Variants in NUDCD1 observed in about 807,000 individuals in gnomAD.
The protein encoded by NUDCD1 is NudC domain containing 1.
In NUDCD1, 60 loss-of-function variants were observed where a neutral mutation model predicts 67.8. The observed-to-expected ratio is 0.88, with a 90% CI of 0.72 to 1.10. The LOEUF (loss-of-function observed/expected upper bound fraction) is 1.10. Ranked by LOEUF, NUDCD1 falls within the 50% of genes least tolerant of loss-of-function variation. The pLI is 0.00. For synonymous variants in NUDCD1, 244 were observed against 230.8 expected (o/e 1.06, Z -0.52); for missense variants, 643 against 695.0 (o/e 0.93, Z 0.84).
chr8:109,290,354 C>G (rs2130018293), intron 4 of NUDCD1, among the ~76,000 whole-genome samples: 1 of 152,204 alleles, frequency 6.6e-6, no homozygotes, highest in South Asian at 2.1e-4. Context: ...CCCAGAACTC[C>G]AACATGACCG....
At chr8:109,275,243 T>C (rs1814254741) in intron 7 of NUDCD1, 109 bp downstream of exon 7, 2 of 951,306 alleles carry the variant, frequency 2.1e-6, no homozygotes, top group South Asian at 3.3e-5. Flanking sequence ...ATCTGATATG[T>C]ATCTTTTATA....
At chr8:109,305,484 C>T (rs60333143) in intron 2 of NUDCD1, among the ~76,000 whole-genome samples, 6,845 of 152,204 alleles carry the variant, frequency 0.045, 516 homozygotes, top group African/African-American at 0.15. Context: ...TAAAGACACA[C>T]CTCACCAAGC....
intron 3 of NUDCD1, among the ~76,000 whole-genome samples, chr8:109,293,909 G>A (rs930751667): frequency 6.6e-6 from 1 of 151,898 alleles, no homozygotes; most frequent in African/African-American, 2.4e-5. Context: ...ACCAAAACAT[G>A]TTTTTTCTCA....
chr8:109,320,671 G>A (rs1169522138), intron 2 of NUDCD1, among the ~76,000 whole-genome samples: 1 of 152,214 alleles, frequency 6.6e-6, no homozygotes, highest in Non-Finnish European at 1.5e-5. Flanking sequence ...CAAGGGTACT[G>A]ATTGGGGAAG....
chr8:109,254,025 A>T (rs1181645284), intron 8 of NUDCD1, among the ~76,000 whole-genome samples: 2 of 152,148 alleles, frequency 1.3e-5, no homozygotes, highest in Non-Finnish European at 2.9e-5. Flanking sequence ...TTCACTAGAG[A>T]ACTATTTATT....
intron 8 of NUDCD1, among the ~76,000 whole-genome samples, chr8:109,255,627 C>T (rs1586253116): frequency 7.2e-6 from 1 of 139,074 alleles, no homozygotes; most frequent in African/African-American, 2.7e-5. Context: ...TAAATGTTAC[C>T]AGATAAAATA....
At chr8:109,281,898 C>T (rs1033862932) in intron 5 of NUDCD1, among the ~76,000 whole-genome samples, 3 of 152,218 alleles carry the variant, frequency 2.0e-5, no homozygotes, top group African/African-American at 7.2e-5. Context: ...AGTTAACCTA[C>T]ATCTCCTGTG....
At chr8:109,247,569 G>A (rs865945052) in intron 8 of NUDCD1, among the ~76,000 whole-genome samples, 5 of 152,248 alleles carry the variant, frequency 3.3e-5, no homozygotes, top group African/African-American at 1.2e-4. Context: ...CTTACCTTAC[G>A]CATATTTCCA....
intron 8 of NUDCD1, among the ~76,000 whole-genome samples, chr8:109,248,263 T>C (rs923034938): frequency 6.6e-6 from 1 of 152,190 alleles, no homozygotes; most frequent in East Asian, 1.9e-4. Flanking sequence ...CAAACCACTT[T>C]AGGACTTCTG....
intron 8 of NUDCD1, among the ~76,000 whole-genome samples, chr8:109,249,995 A>G (rs904980769): frequency 6.6e-6 from 1 of 151,700 alleles, no homozygotes; most frequent in Non-Finnish European, 1.5e-5. Flanking sequence ...ACAAGCACAC[A>G]CTGCCATGCC....
Position 109,245,473 on chromosome 8 carries a change from A to G in NUDCD1, c.1308T>C (p.Leu436=), listed in dbSNP as rs780365437. ...CAGAGAAAAGGTACTGGTTGCTTCC[A>G]AGATTCACCTAAAAAGTGATTTAAA... ...NTLKTTHVVN[L]GSNQYLFSVI... The change falls in exon 9 of 10, where the codon CTT becomes CTC. Residue 436 remains leucine, a synonymous_variant. Coordinates refer to ENST00000239690, the MANE Select transcript of NUDCD1 (RefSeq NM_032869.4). 1.2e-6 allele frequency: 2 copies of G among 1,603,040 alleles called. No individual in the cohort carries two copies. The highest frequency in any genetic ancestry group is 2.7e-5 in the African/African-American group (2 of 74,540).
chr8:109,258,039 G>A (rs768795849), intron 8 of NUDCD1, among the ~76,000 whole-genome samples: 20 of 151,768 alleles, frequency 1.3e-4, no homozygotes, highest in Non-Finnish European at 2.2e-4. Flanking sequence ...TTCTTTTTTT[G>A]GAGTTAGTGT....
At chr8:109,295,690 G>A (rs554264177) in intron 3 of NUDCD1, among the ~76,000 whole-genome samples, 112 of 152,098 alleles carry the variant, frequency 7.4e-4, no homozygotes, top group Non-Finnish European at 1.4e-3. Context: ...AGAACTAAAG[G>A]CTACCTACAG....
In NUDCD1 at chr8:109,308,901, G is replaced by T. The variant is rs1414350288; in HGVS notation, c.274-12332C>A. On this transcript the variant is annotated intron_variant, in intron 2 of 9. Coordinates refer to ENST00000239690, the MANE Select transcript of NUDCD1 (RefSeq NM_032869.4). ...GCAGGAGAATGGCATGAACCCAGGA[G>T]GCAGAGCTTGCAGTGAGCCGAGATC... 4.6e-5 allele frequency among the ~76,000 whole-genome samples: 7 copies of T among 151,286 alleles called. No homozygotes were observed. The East Asian group carries it at 1.4e-3, about 30-fold the overall frequency.
intron 2 of NUDCD1, among the ~76,000 whole-genome samples, chr8:109,307,445 C>T (rs867826516): frequency 3.7e-4 from 57 of 152,172 alleles, no homozygotes; most frequent in African/African-American, 2.4e-4. Context: ...TCTCTTTACA[C>T]GGACGTGTGT....
intron 8 of NUDCD1, among the ~76,000 whole-genome samples, chr8:109,259,641 A>G (rs1813821463): frequency 6.6e-6 from 1 of 152,192 alleles, no homozygotes; most frequent in Non-Finnish European, 1.5e-5. Flanking sequence ...AGTACTGGGA[A>G]GATGGTTGAC....
chr8:109,324,855 G>A (rs1286858922), intron 1 of NUDCD1, among the ~76,000 whole-genome samples: 2 of 152,248 alleles, frequency 1.3e-5, no homozygotes, highest in African/African-American at 4.8e-5. Flanking sequence ...GGGAGGCCAA[G>A]GCGGGCGGAT....
At chr8:109,308,402 G>A (rs771596634) in intron 2 of NUDCD1, among the ~76,000 whole-genome samples, 3 of 151,824 alleles carry the variant, frequency 2.0e-5, no homozygotes, top group Non-Finnish European at 4.4e-5. Context: ...GACAATCTAA[G>A]GTCACACCTC....
chr8:109,290,910 C>T (rs1049619045), intron 4 of NUDCD1, among the ~76,000 whole-genome samples: 3 of 152,124 alleles, frequency 2.0e-5, no homozygotes, highest in African/African-American at 7.2e-5. Flanking sequence ...CCTACATTCA[C>T]ACATTCAGTT....
Sources: allele counts gnomAD v4.1 joint callset (sites outside exome capture counted in the v4.1 genomes callset), GRCh38; gene constraint gnomAD v4.1.1; transcripts MANE v1.5; gene names NCBI Gene and HGNC (gene_info 2026-07-23, HGNC 2026-07-21).